Variants in FILIP1L observed in about 807,000 individuals in gnomAD.
FILIP1L encodes the protein filamin A-interacting protein 1-like.
FILIP1L carries 55 observed loss-of-function variants against 96.6 expected under a neutral mutation model. That is an observed-to-expected ratio of 0.57 (90% CI 0.46 to 0.71). The LOEUF is 0.71. FILIP1L is among the 30% of genes least tolerant of loss of function. FILIP1L has a pLI of 0.00. For synonymous variants in FILIP1L, 467 were observed against 473.9 expected (o/e 0.99, Z 0.19); for missense variants, 1,304 against 1,321.2 (o/e 0.99, Z 0.20).
rs56136227 is a variant in FILIP1L, at chr3:100,063,042, A to G, written c.-11+51011T>C. On this transcript the variant is annotated intron_variant, in intron 1 of 5. Coordinates refer to ENST00000477258, the MANE Select transcript of FILIP1L (RefSeq NM_001387850.1). ...AGTTCTCAGGCATCCTCAAGATGGC[A>G]TTTGGAGTTCATTGAGGCCAAAGTC... Among the ~76,000 whole-genome samples, 84 of 152,362 alleles carry G rather than the reference A, an allele frequency of 5.5e-4. 1 individual carries two copies. Among genetic ancestry groups the G allele is most frequent in the Non-Finnish European group, 1.1e-3 (73 of 68,030 alleles).
chr3:99,867,205 C>T (rs554369783), intron 4 of FILIP1L, among the ~76,000 whole-genome samples: 2 of 152,180 alleles, frequency 1.3e-5, no homozygotes, highest in Non-Finnish European at 2.9e-5. Context: ...TCTCTTGGCC[C>T]TGGGTCTGCT....
At chr3:100,013,539 C>T (rs1362912780) in intron 1 of FILIP1L, among the ~76,000 whole-genome samples, 3 of 152,058 alleles carry the variant, frequency 2.0e-5, no homozygotes, top group Admixed American at 6.6e-5. Context: ...CCACCACACT[C>T]GGCTGGCCAG....
chr3:99,937,125 A>G (rs1707703647), intron 1 of FILIP1L, among the ~76,000 whole-genome samples: 1 of 151,722 alleles, frequency 6.6e-6, no homozygotes, highest in African/African-American at 2.4e-5. Context: ...TTTAGTAGAG[A>G]TGGAGTTTCA....
intron 1 of FILIP1L, among the ~76,000 whole-genome samples, chr3:100,060,814 C>T (rs6790877): frequency 0.18 from 28,127 of 152,100 alleles, 2,942 homozygotes; most frequent in South Asian, 0.25. Flanking sequence ...AAGCCAAGAT[C>T]ACACACCACT....
chr3:100,028,924 C>G (rs1304019413), intron 1 of FILIP1L, among the ~76,000 whole-genome samples: 1 of 152,138 alleles, frequency 6.6e-6, no homozygotes, highest in Non-Finnish European at 1.5e-5. Flanking sequence ...CACATATAAA[C>G]ATAAACATAT....
chr3:100,034,852 C>G (rs192213324), intron 1 of FILIP1L, among the ~76,000 whole-genome samples: 42 of 152,252 alleles, frequency 2.8e-4, no homozygotes, highest in African/African-American at 1.0e-3. Context: ...TATATACATA[C>G]GAATATATTT....
chr3:99,832,375 C>T (rs1295018967), intron 5 of FILIP1L, among the ~76,000 whole-genome samples: 2 of 150,948 alleles, frequency 1.3e-5, no homozygotes, highest in Non-Finnish European at 3.0e-5. Context: ...GGACCACAGG[C>T]GACCGCCACC....
chr3:99,983,458 ATGTG>A (rs71132503), intron 1 of FILIP1L, among the ~76,000 whole-genome samples: 110 of 16,166 alleles, frequency 6.8e-3, no homozygotes, highest in East Asian at 0.057. Context: ...ATATATATAT[ATGTG>A]TGTATATATA....
At chr3:99,858,694 T>G (rs893856830) in intron 4 of FILIP1L, among the ~76,000 whole-genome samples, 3 of 152,168 alleles carry the variant, frequency 2.0e-5, no homozygotes, top group South Asian at 2.1e-4. Flanking sequence ...TCACACGTCA[T>G]GGAGCCTCTG....
At chr3:100,058,581 A>G (rs1443278685) in intron 1 of FILIP1L, among the ~76,000 whole-genome samples, 1 of 152,116 alleles carries the variant, frequency 6.6e-6, no homozygotes, top group East Asian at 1.9e-4. Context: ...TTCAAACACA[A>G]ATCCCCTTGG....
chr3:99,876,405 G>T (rs1015498500), intron 4 of FILIP1L, among the ~76,000 whole-genome samples: 8 of 152,214 alleles, frequency 5.3e-5, no homozygotes, highest in Non-Finnish European at 1.2e-4. Flanking sequence ...GGGCCGGGGC[G>T]CCGGCGCCCT....
chr3:99,915,453 A>G (rs547089241), intron 4 of FILIP1L, among the ~76,000 whole-genome samples: 1 of 152,292 alleles, frequency 6.6e-6, no homozygotes, highest in South Asian at 2.1e-4. Flanking sequence ...AGGATTTTTG[A>G]CAGTGGCAAG....
chr3:100,078,092 A>G (rs1184889862), intron 1 of FILIP1L, among the ~76,000 whole-genome samples: 1 of 152,012 alleles, frequency 6.6e-6, no homozygotes, highest in African/African-American at 2.4e-5. Flanking sequence ...AAAAAAAAAG[A>G]TAATATATGC....
chr3:100,041,590 AAAAAAT>A (rs1230357702), intron 1 of FILIP1L, among the ~76,000 whole-genome samples: 3 of 152,210 alleles, frequency 2.0e-5, no homozygotes, highest in African/African-American at 4.8e-5. Context: ...AAGGCTACAA[AAAAAAT>A]AAAAATAAAA....
At position 99,850,824 on chromosome 3, in the gene FILIP1L, T is replaced by C; in HGVS notation, c.852A>G (p.Glu284=). 1 of 1,614,218 alleles carries C rather than the reference T, an allele frequency of 6.2e-7. No individual in the cohort carries two copies. Among genetic ancestry groups the C allele is most frequent in the Non-Finnish European group, 8.5e-7 (1 of 1,180,034 alleles). ...TCTCTAGTCTGGTTGCCTTCTGCTC[T>C]TCCTCCTGAACTCTGGCTTCAGCAA... ...LALAEARVQE[E]EQKATRLEKE... Residue 284 remains glutamate (E), a synonymous_variant, in exon 5 of 6, where the codon GAA becomes GAG. Transcript: ENST00000477258.
chr3:100,037,566 C>A (rs1001781877), intron 1 of FILIP1L, among the ~76,000 whole-genome samples: 8 of 152,096 alleles, frequency 5.3e-5, no homozygotes, highest in Non-Finnish European at 1.0e-4. Flanking sequence ...TTTTTGTCTC[C>A]CAACAAAGTT....
At chr3:99,946,519 G>A (rs1166952219) in intron 1 of FILIP1L, among the ~76,000 whole-genome samples, 1 of 152,172 alleles carries the variant, frequency 6.6e-6, no homozygotes, top group East Asian at 1.9e-4. Context: ...GAACTGCCCT[G>A]TTGATGTAGC....
chr3:100,076,151 G>A (rs1421842902), intron 1 of FILIP1L, among the ~76,000 whole-genome samples: 1 of 152,130 alleles, frequency 6.6e-6, no homozygotes, highest in Non-Finnish European at 1.5e-5. Flanking sequence ...ATCTTGCCCG[G>A]AAAACCCTTA....
intron 1 of FILIP1L, among the ~76,000 whole-genome samples, chr3:100,017,030 T>C (rs1166703666): frequency 6.6e-6 from 1 of 152,218 alleles, no homozygotes; most frequent in African/African-American, 2.4e-5. Context: ...TTGTTAGTTT[T>C]TCAAATTCAC....
Sources: gnomAD v4.1 joint callset for allele counts (sites outside exome capture counted in the v4.1 genomes callset) on GRCh38, gnomAD v4.1.1 for gene constraint, MANE v1.5 for transcripts, NCBI Gene and HGNC (gene_info 2026-07-23, HGNC 2026-07-21) for gene names.